Variants in KCMF1 observed in about 807,000 individuals in gnomAD.
The protein encoded by KCMF1 is E3 ubiquitin-protein ligase KCMF1.
KCMF1 carries 3 observed loss-of-function variants against 41.1 expected under a neutral mutation model. The ratio of observed to expected loss-of-function variants is 0.07; its 90% CI spans 0.03 to 0.19. The LOEUF (loss-of-function observed/expected upper bound fraction) is 0.19. KCMF1 is among the 10% of genes least tolerant of loss of function. The pLI is 1.00. For synonymous variants in KCMF1, 142 were observed against 164.5 expected, an observed-to-expected ratio of 0.86 and a Z score of 1.04; for missense variants, 286 against 488.9, an observed-to-expected ratio of 0.58 and a Z score of 3.91.
At chr2:85,037,182 C>CT (rs1402027546) in intron 3 of KCMF1, among the ~76,000 whole-genome samples, 2 of 152,130 alleles carry the variant, frequency 1.3e-5, no homozygotes, top group Non-Finnish European at 2.9e-5. Context: ...AGTTGTCACT[C>CT]TATTTTCATA....
intron 1 of KCMF1, among the ~76,000 whole-genome samples, chr2:85,009,026 A>G (rs1042108716): frequency 2.0e-5 from 3 of 152,022 alleles, no homozygotes; most frequent in Non-Finnish European, 4.4e-5. Context: ...CACCATGCCC[A>G]GCCTTGATGC....
At chr2:84,998,568 CTTATTTATTTAT>C (rs55809220) in intron 1 of KCMF1, among the ~76,000 whole-genome samples, 2 of 151,172 alleles carry the variant, frequency 1.3e-5, no homozygotes, top group East Asian at 2.0e-4. Flanking sequence ...GAGCCAACGC[CTTATTTATTTAT>C]TTATTTATTT....
chr2:84,998,057 G>T (rs560020737), intron 1 of KCMF1, among the ~76,000 whole-genome samples: 1 of 151,544 alleles, frequency 6.6e-6, no homozygotes, highest in Non-Finnish European at 1.5e-5. Flanking sequence ...ACAGGCATAA[G>T]CCCCCGTGCC....
At chr2:85,047,243 A>G (rs1675690012) in intron 5 of KCMF1, among the ~76,000 whole-genome samples, 2 of 152,208 alleles carry the variant, frequency 1.3e-5, no homozygotes, top group South Asian at 4.1e-4. Context: ...TACCTCCAAA[A>G]TGTCATGGTT....
chr2:85,052,578 G>T (rs183911691), intron 6 of KCMF1, among the ~76,000 whole-genome samples: 17 of 152,330 alleles, frequency 1.1e-4, no homozygotes, highest in African/African-American at 2.9e-4. Flanking sequence ...GGTAGACCTT[G>T]TGTCTGCCCT....
intron 1 of KCMF1, among the ~76,000 whole-genome samples, chr2:85,008,312 T>TATATAATATATAATATATATGATATATA (rs372495671): frequency 5.5e-5 from 1 of 18,108 alleles, no homozygotes; most frequent in Non-Finnish European, 2.0e-4. Flanking sequence ...TATAATATGA[T>TATATAATATATAATATATATGATATATA]ATATATATCA....
chr2:85,026,459 T>TTCATTA (rs775553843), intron 1 of KCMF1, among the ~76,000 whole-genome samples: 1 of 139,356 alleles, frequency 7.2e-6, no homozygotes, highest in Admixed American at 7.2e-5. Context: ...CTTTCTTTCC[T>TTCATTA]TTATTATTAT....
At chr2:85,029,258 C>G (rs1382467712) in intron 2 of KCMF1, among the ~76,000 whole-genome samples, 2 of 152,118 alleles carry the variant, frequency 1.3e-5, no homozygotes, top group Non-Finnish European at 2.9e-5. Context: ...GCCACCATGC[C>G]CAGCAATAAT....
Position 84,971,418 on chromosome 2 carries a change from CG to C in KCMF1, c.-31del. ...CGCGGGGGACACTGCAGCCGGAGCC[CG>C]GGAGGGGCCGCGCCGCCACCGTCTG... is the stretch of plus-strand genomic sequence containing the variant. On this transcript the variant is annotated 5_prime_UTR_variant, in exon 1 of 7. Coordinates refer to ENST00000409785, the MANE Select transcript of KCMF1 (RefSeq NM_020122.5). The C allele has an allele frequency of 1.6e-6, 2 of 1,219,808 alleles. No homozygotes were observed. Among genetic ancestry groups the C allele is most frequent in the South Asian group, 4.3e-5 (2 of 46,164 alleles). The allele number at this position is 1,219,808 out of a possible 1,614,324, so 75.6% of individuals were successfully genotyped here. A position where few individuals can be genotyped will look rare whatever the true frequency, so the allele number is the denominator to read the frequency against.
chr2:85,016,532 C>CGG (rs1477511755), intron 1 of KCMF1, among the ~76,000 whole-genome samples: 1 of 151,954 alleles, frequency 6.6e-6, no homozygotes, highest in Non-Finnish European at 1.5e-5. Context: ...AACAGCTCTC[C>CGG]ACTCCTGATC....
At position 84,999,804 on chromosome 2, in the gene KCMF1, T is replaced by C. The variant is rs551851360; in HGVS notation, c.17-28085T>C. Among the ~76,000 whole-genome samples, 5 of 152,284 alleles carry C rather than the reference T, an allele frequency of 3.3e-5. No individual in the cohort carries two copies. In the South Asian group the frequency reaches 1.0e-3, roughly 32 times the overall value. On this transcript the variant is annotated intron_variant, in intron 1 of 6. Coordinates refer to ENST00000409785, the MANE Select transcript of KCMF1 (RefSeq NM_020122.5). ...AATAAAAATAGTATCACATAGTCACTAGTGAGTTTGACCTAATTATAGTGT... is the reference window on the plus strand; with the variant it reads ...AATAAAAATAGTATCACATAGTCACCAGTGAGTTTGACCTAATTATAGTGT...
intron 1 of KCMF1, among the ~76,000 whole-genome samples, chr2:84,990,441 A>G (rs1289752169): frequency 6.6e-6 from 1 of 152,076 alleles, no homozygotes; most frequent in East Asian, 1.9e-4. Flanking sequence ...TTTAGTGGAG[A>G]CTGGGGGTTG....
At position 85,054,934 on chromosome 2, in the gene KCMF1, T is replaced by C. The variant is rs1387746576; in HGVS notation, c.*1525T>C. ...GTTCTTCCGAGAACTGTGAAGTCCATGTTCATCCAAATGTAACCAAAAAAG... is the reference window on the plus strand; with the variant it reads ...GTTCTTCCGAGAACTGTGAAGTCCACGTTCATCCAAATGTAACCAAAAAAG... On this transcript the variant is annotated 3_prime_UTR_variant, in exon 7 of 7. Transcript: ENST00000409785. The C allele has an allele frequency of 1.3e-5, 2 of 152,202 alleles. No homozygotes were observed. Among genetic ancestry groups the C allele is most frequent in the Admixed American group, 6.5e-5 (1 of 15,276 alleles). 9.4% of individuals were successfully genotyped at this position (152,202 alleles called of 1,614,324 possible).
intron 1 of KCMF1, among the ~76,000 whole-genome samples, chr2:85,014,293 A>C (rs1020993234): frequency 6.6e-6 from 1 of 152,230 alleles, no homozygotes; most frequent in African/African-American, 2.4e-5. Context: ...AATGTGTTAA[A>C]TATATATCTC....
At chr2:85,003,949 C>G (rs1367147890) in intron 1 of KCMF1, among the ~76,000 whole-genome samples, 2 of 152,136 alleles carry the variant, frequency 1.3e-5, no homozygotes, top group Non-Finnish European at 2.9e-5. Flanking sequence ...TCCAAGACCA[C>G]CCAGTGGATG....
intron 1 of KCMF1, among the ~76,000 whole-genome samples, chr2:84,981,315 A>G (rs373894580): frequency 9.3e-5 from 14 of 151,002 alleles, no homozygotes; most frequent in South Asian, 2.1e-4. Context: ...TCAGCCTCCC[A>G]AGTAGCTGGG....
chr2:85,027,409 C>G (rs906394195), intron 1 of KCMF1, among the ~76,000 whole-genome samples: 2 of 124,756 alleles, frequency 1.6e-5, no homozygotes, highest in African/African-American at 6.2e-5. Flanking sequence ...CAAAGCCTCA[C>G]TCTGTTGTGA....
chr2:84,984,428 A>G (rs1673846492), intron 1 of KCMF1, among the ~76,000 whole-genome samples: 2 of 152,068 alleles, frequency 1.3e-5, no homozygotes, highest in African/African-American at 2.4e-5. Context: ...TTTCTGTCCT[A>G]AGAACTTAGA....
At chr2:84,993,869 C>G (rs1395096335) in intron 1 of KCMF1, among the ~76,000 whole-genome samples, 1 of 151,646 alleles carries the variant, frequency 6.6e-6, no homozygotes, top group Non-Finnish European at 1.5e-5. Context: ...AGCTACTGCG[C>G]TTGACCTACC....
Sources: gnomAD v4.1 joint callset for allele counts (sites outside exome capture counted in the v4.1 genomes callset) on GRCh38, gnomAD v4.1.1 for gene constraint, MANE v1.5 for transcripts, NCBI Gene and HGNC (gene_info 2026-07-23, HGNC 2026-07-21) for gene names.